KCNQ1: variants seen among roughly 807,000 people sequenced by gnomAD.
KCNQ1 encodes potassium voltage-gated channel subfamily KQT member 1.
A neutral mutation model predicts 72.4 loss-of-function variants in KCNQ1; 49 were observed. That is an observed-to-expected ratio of 0.68 (90% CI 0.54 to 0.86). The LOEUF (loss-of-function observed/expected upper bound fraction) is 0.86. Among genes scored for constraint, KCNQ1 ranks in the 40% least tolerant of loss-of-function variants. The pLI, the probability that KCNQ1 is intolerant of heterozygous loss-of-function variation, is 0.00. For missense variants in KCNQ1, 790 were observed against 945.1 expected, an observed-to-expected ratio of 0.84 and a Z score of 2.15; for synonymous variants, 450 against 412.6, an observed-to-expected ratio of 1.09 and a Z score of -1.10.
intron 1 of KCNQ1, among the ~76,000 whole-genome samples, chr11:2,456,938 CAAAAAAAA>C (rs58543586): frequency 1.9e-5 from 1 of 52,080 alleles, no homozygotes; most frequent in African/African-American, 5.0e-5. Context: ...GACTCGGTCT[CAAAAAAAA>C]AAAAAAAAAA....
chr11:2,791,221 G>A (rs1281919976), intron 15 of KCNQ1, among the ~76,000 whole-genome samples: 1 of 152,240 alleles, frequency 6.6e-6, no homozygotes, highest in East Asian at 1.9e-4. Context: ...GCAGGACGGT[G>A]GCCGGAGCCC....
In KCNQ1 at chr11:2,849,044, C is replaced by T; in HGVS notation, c.*1041C>T. The T allele has an allele frequency of 4.4e-6, 2 of 454,170 alleles. No homozygotes were observed. The highest frequency in any genetic ancestry group is 8.8e-6 in the Non-Finnish European group (2 of 226,798). 28.1% of individuals were successfully genotyped at this position (454,170 alleles called of 1,614,324 possible). ...GGTTCCTGGGGCATCCATGGGGTCT[C>T]TCACAGACAGGACCCCTGCAGTTCC... On this transcript the variant is annotated 3_prime_UTR_variant, in exon 16 of 16. Transcript: ENST00000155840.
chr11:2,589,321 T>C (rs1395627193), intron 10 of KCNQ1, among the ~76,000 whole-genome samples: 1 of 152,154 alleles, frequency 6.6e-6, no homozygotes, highest in African/African-American at 2.4e-5. Context: ...CAGGCCCTTC[T>C]CATGCAGCCC....
Position 2,462,783 on chromosome 11 carries a change from G to T in KCNQ1, c.386+17299G>T, listed in dbSNP as rs536161040. Among the ~76,000 whole-genome samples the T allele has an allele frequency of 2.0e-5, 3 of 152,184 alleles. No individual in the cohort carries two copies. In the South Asian group the frequency reaches 6.2e-4, roughly 31 times the overall value. On this transcript the variant is annotated intron_variant, in intron 1 of 15. Coordinates refer to ENST00000155840, the MANE Select transcript of KCNQ1 (RefSeq NM_000218.3). The surrounding 1 kb of genome is among the most constrained non-coding windows in gnomAD (Gnocchi z 8.2). ...AAAGAGGGTGCCGGGGGCAGGGAAG[G>T]CCTGGAGGTTTGAGGAGCAGAAAGT...
intron 2 of KCNQ1, among the ~76,000 whole-genome samples, chr11:2,558,803 C>A (rs1848113029): frequency 6.6e-6 from 1 of 152,172 alleles, no homozygotes; most frequent in Non-Finnish European, 1.5e-5. Context: ...GGGTGGGCAG[C>A]CTTCATGGGG....
chr11:2,668,841 G>A lies in KCNQ1; in HGVS notation c.1514+6760G>A. 2.5e-6 allele frequency: 1 copy of A among 398,590 alleles called. No homozygotes were observed. The highest frequency in any genetic ancestry group is 4.4e-6 in the Non-Finnish European group (1 of 226,070). The allele number at this position is 398,590 out of a possible 1,614,324, so 24.7% of individuals were successfully genotyped here. A position where few individuals can be genotyped will look rare whatever the true frequency, so the allele number is the denominator to read the frequency against. On this transcript the variant is annotated intron_variant, in intron 11 of 15. Transcript: ENST00000155840. This position sits in a 1 kb window ranked among gnomAD's most constrained non-coding sequence, Gnocchi z 4.3. ...TAATCAAACATTTCCTCTCTGGATA[G>A]GGCTGTTTGTGTCCTATTTAAGAAA... is the stretch of plus-strand genomic sequence containing the variant.
chr11:2,825,703 G>A (rs143933292), intron 15 of KCNQ1, among the ~76,000 whole-genome samples: 331 of 152,318 alleles, frequency 2.2e-3, no homozygotes, highest in Non-Finnish European at 2.6e-3. Context: ...ATTATCCTTC[G>A]CGGAGCTGCG....
In KCNQ1 at chr11:2,457,135, A is replaced by C. The variant is rs1314095634; in HGVS notation, c.386+11651A>C. Among the ~76,000 whole-genome samples, 4 of 152,132 alleles carry C rather than the reference A, an allele frequency of 2.6e-5. No homozygotes were observed. The highest frequency in any genetic ancestry group is 5.9e-5 in the Non-Finnish European group (4 of 68,026). ...CAGTCAGAATGGCCTTTGTTTAAAA[A>C]GTCTCAAAACAACAGATGCTGGAGA... On this transcript the variant is annotated intron_variant, in intron 1 of 15. Coordinates refer to ENST00000155840, the MANE Select transcript of KCNQ1 (RefSeq NM_000218.3). The surrounding 1 kb of genome is among the most constrained non-coding windows in gnomAD (Gnocchi z 5.0).
rs146746979 is a variant in KCNQ1, at chr11:2,764,589, T to G, written c.1515-4255T>G. Among the ~76,000 whole-genome samples, 63 of 152,352 alleles carry G rather than the reference T, an allele frequency of 4.1e-4. No homozygotes were observed. The East Asian group carries it at 9.5e-3, about 23-fold the overall frequency. ...TACTTGTATAAAATTGACATTATTT[T>G]TTCCTTAAACATTTGGAAGAATTTA... is the stretch of plus-strand genomic sequence containing the variant. On this transcript the variant is annotated intron_variant, in intron 11 of 15. Coordinates refer to ENST00000155840, the MANE Select transcript of KCNQ1 (RefSeq NM_000218.3). This position sits in a 1 kb window ranked among gnomAD's most constrained non-coding sequence, Gnocchi z 4.8.
At position 2,659,448 on chromosome 11, in the gene KCNQ1, T is replaced by G. The variant is rs1170443917; in HGVS notation, c.1394-2513T>G. On this transcript the variant is annotated intron_variant, in intron 10 of 15. Coordinates refer to ENST00000155840, the MANE Select transcript of KCNQ1 (RefSeq NM_000218.3). This position sits in a 1 kb window ranked among gnomAD's most constrained non-coding sequence, Gnocchi z 4.3. ...GCATAAATCATTAGTTAATTTCTTT[T>G]TATTGCTGGGTGGTATTCCATTGCA... The G allele has an allele frequency of 2.5e-6, 1 of 398,500 alleles. No individual in the cohort carries two copies. Among genetic ancestry groups the G allele is most frequent in the Non-Finnish European group, 4.4e-6 (1 of 226,052 alleles). 24.7% of individuals were successfully genotyped at this position (398,500 alleles called of 1,614,324 possible).
At chr11:2,555,521 C>A (rs553081483) in intron 2 of KCNQ1, among the ~76,000 whole-genome samples, 1 of 152,246 alleles carries the variant, frequency 6.6e-6, no homozygotes, top group East Asian at 1.9e-4. Context: ...CAGGCGTGGG[C>A]GTCTCCGGGC....
chr11:2,730,354 G>A (rs1217277710), intron 11 of KCNQ1, among the ~76,000 whole-genome samples: 2 of 152,248 alleles, frequency 1.3e-5, no homozygotes, highest in African/African-American at 2.4e-5. Context: ...CAGCTCTGGA[G>A]GTCAGATGTC....
At chr11:2,628,129 C>G (rs1034347694) in intron 10 of KCNQ1, 4 of 398,584 alleles carry the variant, frequency 1.0e-5, no homozygotes, top group African/African-American at 8.2e-5. Flanking sequence ...AAGATACTGA[C>G]TTTGTTTTCC....
At chr11:2,765,260 G>C (rs1343254994) in intron 11 of KCNQ1, among the ~76,000 whole-genome samples, 1 of 152,012 alleles carries the variant, frequency 6.6e-6, no homozygotes, top group Non-Finnish European at 1.5e-5. Context: ...TTTGACCCCT[G>C]GGTTATTTAG....
At chr11:2,832,540 C>T (rs1238561715) in intron 15 of KCNQ1, among the ~76,000 whole-genome samples, 1 of 152,218 alleles carries the variant, frequency 6.6e-6, no homozygotes, top group African/African-American at 2.4e-5. Context: ...ACGCAGTCCC[C>T]GCCCATGCCC....
chr11:2,694,672 T>C (rs1850644663), intron 11 of KCNQ1: 2 of 398,508 alleles, frequency 5.0e-6, no homozygotes, highest in Non-Finnish European at 8.8e-6. Context: ...GCGGACCCTA[T>C]ACGGAAGACA....
At position 2,617,011 on chromosome 11, in the gene KCNQ1, T is replaced by C. The variant is rs1589983707; in HGVS notation, c.1393+28157T>C. On this transcript the variant is annotated intron_variant, in intron 10 of 15. Transcript: ENST00000155840. This position sits in a 1 kb window ranked among gnomAD's most constrained non-coding sequence, Gnocchi z 4.6. ...ATATGCATATTTAGTGTATAAAACA[T>C]ACAGTTAAATCGTTAACATAGTGAT... The C allele has an allele frequency of 5.0e-6, 2 of 398,174 alleles. No individual in the cohort carries two copies. The highest frequency in any genetic ancestry group is 6.3e-4 in the Middle Eastern group (1 of 1,584). 24.7% of individuals were successfully genotyped at this position (398,174 alleles called of 1,614,324 possible).
Position 2,830,248 on chromosome 11 carries a change from C to T in KCNQ1, c.1795-17519C>T, listed in dbSNP as rs1847920066. 6.6e-6 allele frequency among the ~76,000 whole-genome samples: 1 copy of T among 152,006 alleles called. No homozygotes were observed. Among genetic ancestry groups the T allele is most frequent in the Admixed American group, 6.5e-5 (1 of 15,276 alleles). ...GCCCTCTGACTAGCTGGGGCTGGGG[C>T]TGTGCAGGATAAGGCCAGTGAGAGA... On this transcript the variant is annotated intron_variant, in intron 15 of 15. Transcript: ENST00000155840. The surrounding 1 kb of genome is among the most constrained non-coding windows in gnomAD (Gnocchi z 7.7).
chr11:2,843,771 G>A (rs1034759094), intron 15 of KCNQ1, among the ~76,000 whole-genome samples: 1 of 152,226 alleles, frequency 6.6e-6, no homozygotes, highest in Non-Finnish European at 1.5e-5. Flanking sequence ...CCGGCCGCCC[G>A]GGGCTCTCTA....
Sources: gnomAD v4.1 joint callset for allele counts (sites outside exome capture counted in the v4.1 genomes callset) on GRCh38, gnomAD v4.1.1 for gene constraint, Gnocchi (gnomAD v3.1) non-coding constraint, MANE v1.5 for transcripts, NCBI Gene and HGNC (gene_info 2026-07-23, HGNC 2026-07-21) for gene names.